The following EPM2A variants were observed in gnomAD, a reference collection of about 807,000 sequenced individuals.
The protein encoded by EPM2A is laforin.
EPM2A carries 21 observed loss-of-function variants against 26.5 expected under a neutral mutation model. The observed-to-expected ratio is 0.79, with a 90% CI of 0.56 to 1.14. The LOEUF (loss-of-function observed/expected upper bound fraction) is 1.14. EPM2A is among the 50% of genes most tolerant of loss of function. The pLI, the probability that EPM2A is intolerant of heterozygous loss-of-function variation, is 0.00. For missense variants in EPM2A, 458 were observed against 440.8 expected (o/e 1.04, Z -0.35); for synonymous variants, 217 against 177.6 (o/e 1.22, Z -1.76).
chr6:145,528,304 T>C (rs1295531359), intron 2 of EPM2A, among the ~76,000 whole-genome samples: 1 of 152,146 alleles, frequency 6.6e-6, no homozygotes, highest in Non-Finnish European at 1.5e-5. Context: ...AGGAAGAGCC[T>C]CATATTGGGA....
intron 2 of EPM2A, chr6:145,637,410 A>T (rs1396114768): frequency 1.3e-5 from 2 of 151,998 alleles, no homozygotes; most frequent in Admixed American, 1.3e-4. Context: ...AAATTATCTC[A>T]TAAGATCTGG....
At chr6:145,499,713 C>T (rs1779863159), downstream of EPM2A, among the ~76,000 whole-genome samples, 2 of 152,194 alleles carry the variant, frequency 1.3e-5, no homozygotes, top group Admixed American at 1.3e-4. Flanking sequence ...ATCACTCATA[C>T]TCTACCAATT....
intron 1 of EPM2A, among the ~76,000 whole-genome samples, chr6:145,706,400 A>C (rs1200177582): frequency 6.6e-6 from 1 of 152,242 alleles, no homozygotes; most frequent in Non-Finnish European, 1.5e-5. Context: ...AACCACATAT[A>C]TAACCGAAAT....
At position 145,667,421 on chromosome 6, in the gene EPM2A, T is replaced by C. The variant is rs1387922951; in HGVS notation, c.476+18701A>G. 1.5e-4 allele frequency among the ~76,000 whole-genome samples: 22 copies of C among 145,876 alleles called. No individual in the cohort carries two copies. The East Asian group carries it at 3.8e-3, about 25-fold the overall frequency. The stretch of plus-strand genomic sequence containing the variant: ...CAAAAAACACATGAAAAAATGCTCA[T>C]CATCACTGGCCATCAGAGAAATGCA... On this transcript the variant is annotated intron_variant, in intron 2 of 3. Coordinates refer to ENST00000367519, the MANE Select transcript of EPM2A (RefSeq NM_005670.4).
At chr6:145,556,496 C>T (rs12203609) in intron 2 of EPM2A, among the ~76,000 whole-genome samples, 12,434 of 152,068 alleles carry the variant, frequency 0.082, 545 homozygotes, top group Middle Eastern at 0.12. Flanking sequence ...ATTTAGAAGG[C>T]AGAAAGTATT....
At chr6:145,498,370 C>T (rs430003), downstream of EPM2A, among the ~76,000 whole-genome samples, 68,447 of 152,008 alleles carry the variant, frequency 0.45, 15,456 homozygotes, top group South Asian at 0.58. Flanking sequence ...TGTGGACCAC[C>T]TGCCTTCCCT....
At chr6:145,531,006 T>A (rs776829517) in intron 2 of EPM2A, among the ~76,000 whole-genome samples, 3 of 152,200 alleles carry the variant, frequency 2.0e-5, no homozygotes, top group Non-Finnish European at 2.9e-5. Flanking sequence ...AATTGCTCAT[T>A]TCTTTCTCTC....
chr6:145,627,386 AT>A lies in EPM2A; in HGVS notation c.*29del, dbSNP rs1360278457. 6.2e-7 allele frequency: 1 copy of A among 1,613,372 alleles called. No individual in the cohort carries two copies. The highest frequency in any genetic ancestry group is 1.3e-5 in the African/African-American group (1 of 74,946). On this transcript the variant is annotated 3_prime_UTR_variant, in exon 4 of 4. Transcript: ENST00000367519. Reference sequence around the variant, plus strand: ...ACATCATCCCAGGCTCCTTAGGGAAATCAGGAGGGGGCAGAAGCAGGCTGAC... The same window carrying A: ...ACATCATCCCAGGCTCCTTAGGGAAACAGGAGGGGGCAGAAGCAGGCTGAC...
At chr6:145,453,094 C>T (rs774295459) in intron 4 of EPM2A, among the ~76,000 whole-genome samples, 10 of 152,106 alleles carry the variant, frequency 6.6e-5, no homozygotes, top group Non-Finnish European at 1.5e-4. Context: ...AAGTCTCATA[C>T]CTTTGAAGTA....
chr6:145,580,237 G>A (rs1043230598), intron 2 of EPM2A, among the ~76,000 whole-genome samples: 1 of 151,990 alleles, frequency 6.6e-6, no homozygotes, highest in Non-Finnish European at 1.5e-5. Context: ...TGCCAGAGAT[G>A]AATTCTTTCA....
chr6:145,574,821 G>C (rs552562868), intron 2 of EPM2A, among the ~76,000 whole-genome samples: 1 of 152,212 alleles, frequency 6.6e-6, no homozygotes, highest in Non-Finnish European at 1.5e-5. Context: ...CCTATTTAGT[G>C]GGCCCAAATC....
chr6:145,473,441 G>C (rs1779501781), intron 4 of EPM2A, among the ~76,000 whole-genome samples: 1 of 151,970 alleles, frequency 6.6e-6, no homozygotes, highest in African/African-American at 2.4e-5. Flanking sequence ...CCAAATCTAA[G>C]AGTTATTGAC....
chr6:145,710,977 G>C (rs900948596), intron 1 of EPM2A, among the ~76,000 whole-genome samples: 8 of 115,784 alleles, frequency 6.9e-5, no homozygotes, highest in Admixed American at 6.3e-4. Flanking sequence ...GTTGTGGGGT[G>C]GGGGGAGGGG....
intron 2 of EPM2A, among the ~76,000 whole-genome samples, chr6:145,526,151 T>C (rs1190887220): frequency 6.6e-6 from 1 of 152,142 alleles, no homozygotes; most frequent in Admixed American, 6.6e-5. Flanking sequence ...GCCTACTTGA[T>C]CATATTGAAT....
At chr6:145,722,633 G>T (rs1005273966) in intron 1 of EPM2A, 4 of 352,478 alleles carry the variant, frequency 1.1e-5, no homozygotes, top group Non-Finnish European at 2.2e-5. Context: ...GATTTACTCT[G>T]TTATGGGTTG....
At chr6:145,577,580 C>T (rs991234936) in intron 2 of EPM2A, among the ~76,000 whole-genome samples, 1 of 144,882 alleles carries the variant, frequency 6.9e-6, no homozygotes, top group Non-Finnish European at 1.5e-5. Flanking sequence ...AAATGTAGAC[C>T]CCCCCCCAAT....
chr6:145,700,177 T>C (rs1781832438), intron 1 of EPM2A, among the ~76,000 whole-genome samples: 1 of 152,182 alleles, frequency 6.6e-6, no homozygotes, highest in Non-Finnish European at 1.5e-5. Flanking sequence ...GTGCCATCTC[T>C]GTATTATTGG....
chr6:145,699,319 C>A (rs569709877), intron 1 of EPM2A, among the ~76,000 whole-genome samples: 1 of 152,136 alleles, frequency 6.6e-6, no homozygotes, highest in Non-Finnish European at 1.5e-5. Context: ...CAAAGGATTG[C>A]AAATAGGCCT....
chr6:145,482,490 C>A (rs1779622474), intron 4 of EPM2A, among the ~76,000 whole-genome samples: 1 of 151,938 alleles, frequency 6.6e-6, no homozygotes, highest in African/African-American at 2.4e-5. Context: ...GATCACAGTC[C>A]ATGGATACCA....
Sources: gnomAD v4.1 joint callset for allele counts (sites outside exome capture counted in the v4.1 genomes callset) on GRCh38, gnomAD v4.1.1 for gene constraint, MANE v1.5 for transcripts, NCBI Gene and HGNC (gene_info 2026-07-23, HGNC 2026-07-21) for gene names.